ENPP2: variants seen among roughly 807,000 people sequenced by gnomAD.
ENPP2 encodes the protein ectonucleotide pyrophosphatase/phosphodiesterase 2, also known as autotaxin.
ENPP2 carries 51 observed loss-of-function variants against 120.2 expected under a neutral mutation model. The observed-to-expected ratio is 0.42, with a 90% CI of 0.34 to 0.54. ENPP2 has a LOEUF of 0.54. Among genes scored for constraint, ENPP2 ranks in the 20% least tolerant of loss-of-function variants. ENPP2 has a pLI of 0.04. For synonymous variants in ENPP2, 365 were observed against 366.4 expected (o/e 1.00, Z 0.04); for missense variants, 920 against 1,066.5 (o/e 0.86, Z 1.91).
At chr8:119,635,510 G>A (rs968787773) in intron 2 of ENPP2, among the ~76,000 whole-genome samples, 1 of 152,200 alleles carries the variant, frequency 6.6e-6, no homozygotes, top group African/African-American at 2.4e-5. Flanking sequence ...GTGCACATGA[G>A]TGCACAGACA....
intron 19 of ENPP2, among the ~76,000 whole-genome samples, chr8:119,577,479 G>C (rs958467622): frequency 6.6e-6 from 1 of 152,200 alleles, no homozygotes; most frequent in African/African-American, 2.4e-5. Flanking sequence ...CTGAAGAAAT[G>C]ACCAAGATAG....
intron 2 of ENPP2, among the ~76,000 whole-genome samples, chr8:119,627,055 C>G (rs1816329065): frequency 6.6e-6 from 1 of 152,050 alleles, no homozygotes; most frequent in Non-Finnish European, 1.5e-5. Context: ...ATTATTATTA[C>G]TGCAAATCTG....
intron 8 of ENPP2, 153 bp downstream of exon 8, chr8:119,616,112 G>A (rs1215873900): frequency 5.2e-6 from 3 of 580,348 alleles, no homozygotes; most frequent in African/African-American, 1.9e-5. Flanking sequence ...CATATTTCAT[G>A]TTTGTATGTA....
intron 19 of ENPP2, among the ~76,000 whole-genome samples, chr8:119,573,755 G>A (rs144882249): frequency 3.5e-4 from 53 of 152,242 alleles, no homozygotes; most frequent in African/African-American, 9.6e-4. Context: ...GATGCAGTGA[G>A]CCAAGATCGT....
In ENPP2 at chr8:119,625,112, A is replaced by T. The variant is rs560390503; in HGVS notation, c.292+1453T>A. On this transcript the variant is annotated intron_variant, in intron 3 of 24. Coordinates refer to ENST00000075322, the MANE Select transcript of ENPP2 (RefSeq NM_001040092.3). ...ATCCAGAAGTTTGATATGACATGCC[A>T]CAGACAAGATATTCAAGGTAAGGAG... Among the ~76,000 whole-genome samples the T allele has an allele frequency of 2.0e-5, 3 of 152,326 alleles. No individual in the cohort carries two copies. In the East Asian group the frequency reaches 5.8e-4, roughly 29 times the overall value.
chr8:119,592,730 C>T (rs1172250036), intron 12 of ENPP2, among the ~76,000 whole-genome samples: 1 of 151,512 alleles, frequency 6.6e-6, no homozygotes, highest in East Asian at 1.9e-4. Flanking sequence ...CTTCTCTGAC[C>T]TGTGTGTAGC....
chr8:119,635,709 C>T (rs757111774), intron 2 of ENPP2, among the ~76,000 whole-genome samples: 3 of 152,194 alleles, frequency 2.0e-5, no homozygotes, highest in Non-Finnish European at 2.9e-5. Flanking sequence ...TTATAAGTAG[C>T]TTTTCTCATT....
intron 8 of ENPP2, among the ~76,000 whole-genome samples, chr8:119,612,997 A>G (rs7017581): frequency 0.57 from 86,689 of 152,090 alleles, 26,201 homozygotes; most frequent in African/African-American, 0.77. Context: ...TGGGGTATTA[A>G]ACTTGTTTCT....
chr8:119,653,667 A>G (rs1434227037), intron 1 of ENPP2, among the ~76,000 whole-genome samples: 2 of 129,468 alleles, frequency 1.5e-5, no homozygotes, highest in South Asian at 2.5e-4. Flanking sequence ...CCTACAGGCC[A>G]TAATGGAGGC....
intron 8 of ENPP2, 67 bp from the exon 9 acceptor site, chr8:119,608,044 A>T: frequency 9.6e-7 from 1 of 1,046,540 alleles, no homozygotes; most frequent in Non-Finnish European, 1.4e-6. Context: ...AAAAGTTTTT[A>T]AAATACATTA....
In ENPP2 at chr8:119,562,968, G is replaced by A. The variant is rs144898401; in HGVS notation, c.2310C>T (p.Ser770=). 3.7e-6 allele frequency: 6 copies of A among 1,614,116 alleles called. No homozygotes were observed. Among genetic ancestry groups the A allele is most frequent in the Non-Finnish European group, 4.2e-6 (5 of 1,179,968 alleles). Reference sequence around the variant, plus strand: ...TGAAATCCAGACAGCTGGTGATGATGCTGTAGTAGTGAGTTGGAACAGGAA... The same window carrying A: ...TGAAATCCAGACAGCTGGTGATGATACTGTAGTAGTGAGTTGGAACAGGAA... The part of the protein sequence containing the change: ...SSIPVPTHYY[S]IITSCLDFTQ... The change falls in exon 24 of 25, where the codon AGC becomes AGT. Residue 770 remains serine, a synonymous_variant. Coordinates refer to ENST00000075322, the MANE Select transcript of ENPP2 (RefSeq NM_001040092.3).
At chr8:119,638,723 C>T (rs1817158951) in intron 1 of ENPP2, 25 bp downstream of exon 1, 1 of 1,349,468 alleles carries the variant, frequency 7.4e-7, no homozygotes, top group Non-Finnish European at 1.1e-6. Context: ...CAAGCATGTC[C>T]CCCGTCATTC....
intron 1 of ENPP2, among the ~76,000 whole-genome samples, chr8:119,668,214 T>G (rs959750089): frequency 6.6e-6 from 1 of 152,184 alleles, no homozygotes; most frequent in Non-Finnish European, 1.5e-5. Context: ...AGATCAGGTC[T>G]TCTTCAGCAC....
intron 13 of ENPP2, 146 bp from the exon 14 acceptor site, chr8:119,587,221 T>C (rs139083271): frequency 4.3e-6 from 3 of 701,030 alleles, no homozygotes; most frequent in Non-Finnish European, 7.4e-6. Flanking sequence ...TAAATAATTG[T>C]GTAGGGGTAT....
At chr8:119,588,132 G>A (rs557371687) in intron 13 of ENPP2, among the ~76,000 whole-genome samples, 1 of 152,280 alleles carries the variant, frequency 6.6e-6, no homozygotes, top group Non-Finnish European at 1.5e-5. Context: ...AAACTAAAAT[G>A]TGTATTCCAT....
intron 1 of ENPP2, among the ~76,000 whole-genome samples, chr8:119,662,308 TTTTA>T (rs1210286627): frequency 1.3e-5 from 2 of 152,244 alleles, no homozygotes; most frequent in African/African-American, 2.4e-5. Context: ...ACATACAATG[TTTTA>T]TTTGTCAATT....
chr8:119,660,085 G>T (rs16892919), intron 1 of ENPP2, among the ~76,000 whole-genome samples: 21 of 152,100 alleles, frequency 1.4e-4, no homozygotes, highest in African/African-American at 4.8e-4. Flanking sequence ...CCTAGCTATC[G>T]TCTAAAAAGG....
chr8:119,563,728 C>G (rs978785890), intron 23 of ENPP2, among the ~76,000 whole-genome samples: 3 of 151,890 alleles, frequency 2.0e-5, no homozygotes, highest in African/African-American at 7.3e-5. Flanking sequence ...TACGATTTAA[C>G]TACTAATTTA....
chr8:119,570,981 A>C (rs1486344062), intron 19 of ENPP2, 140 bp from the exon 20 acceptor site: 5 of 475,088 alleles, frequency 1.1e-5, no homozygotes, highest in Admixed American at 4.3e-5. Flanking sequence ...TAATTTAATC[A>C]AGCTAGTTTT....
Sources: allele counts gnomAD v4.1 joint callset (sites outside exome capture counted in the v4.1 genomes callset), GRCh38; gene constraint gnomAD v4.1.1; transcripts MANE v1.5; gene names NCBI Gene and HGNC (gene_info 2026-07-23, HGNC 2026-07-21).